The following LY75 variants were observed in gnomAD, a reference collection of about 807,000 sequenced individuals.
The protein encoded by LY75 is C-type lectin domain family 13 member B.
A neutral mutation model predicts 231.7 loss-of-function variants in LY75; 185 were observed. The ratio of observed to expected loss-of-function variants is 0.80; its 90% CI spans 0.71 to 0.90. The LOEUF (loss-of-function observed/expected upper bound fraction) is 0.90. LY75 is among the 40% of genes least tolerant of loss of function. LY75 has a pLI of 0.00. For synonymous variants in LY75, 668 were observed against 689.0 expected (o/e 0.97, Z 0.48); for missense variants, 1,947 against 2,050.2 (o/e 0.95, Z 0.97).
In LY75 at chr2:159,842,356, G is replaced by A. The variant is rs749565499; in HGVS notation, c.3169C>T (p.Arg1057Cys). 11 of 1,610,156 alleles carry A rather than the reference G, an allele frequency of 6.8e-6. No homozygotes were observed. The highest frequency in any genetic ancestry group is 2.2e-5 in the East Asian group (1 of 44,670). Reference protein sequence around the residue: ...IPENFFEEESRYHCALILNLQ... With the variant: ...IPENFFEEESCYHCALILNLQ... Reference sequence around the variant, plus strand: ...TTGAGTATTAGGGCACAGTGGTAGCGAGACTCTTCCTCAAAAAACTAAACA... The same window carrying A: ...TTGAGTATTAGGGCACAGTGGTAGCAAGACTCTTCCTCAAAAAACTAAACA... Residue 1057 changes from arginine to cysteine, a missense_variant, in exon 24 of 35, where the codon CGC becomes TGC. Physicochemically the swap from Arg to Cys is radical, Grantham distance 180 (BLOSUM62 -3). Coordinates refer to ENST00000263636, the MANE Select transcript of LY75 (RefSeq NM_002349.4).
At chr2:159,871,428 A>G (rs1307745096) in intron 13 of LY75, among the ~76,000 whole-genome samples, 4 of 152,152 alleles carry the variant, frequency 2.6e-5, no homozygotes, top group African/African-American at 9.7e-5. Flanking sequence ...CTGTTGCACA[A>G]TGAAAATGTT....
At chr2:159,870,674 CTT>C (rs34789684) in intron 13 of LY75, among the ~76,000 whole-genome samples, 233 of 141,584 alleles carry the variant, frequency 1.6e-3, no homozygotes, top group Admixed American at 2.5e-3. Context: ...CCAGCTAATT[CTT>C]TTTTTTTTTT....
rs113453497 is a variant in LY75, at chr2:159,886,220, C to CT, written c.913+199dup. Among the ~76,000 whole-genome samples, 334 of 152,280 alleles carry CT rather than the reference C, an allele frequency of 2.2e-3. 2 individuals carry two copies. Among genetic ancestry groups the CT allele is most frequent in the African/African-American group, 7.7e-3 (318 of 41,558 alleles). ...TTCTAAAGGTCTAGAGGTTCAAATGCTCAGTTGTCCATGGTGTGGTTCAGC... is the reference window on the plus strand; with the variant it reads ...TTCTAAAGGTCTAGAGGTTCAAATGCTTCAGTTGTCCATGGTGTGGTTCAGC... On this transcript the variant is annotated intron_variant, in intron 5 of 34. Transcript: ENST00000263636.
At chr2:159,811,664 C>T (rs1369593414) in intron 31 of LY75, among the ~76,000 whole-genome samples, 1 of 152,130 alleles carries the variant, frequency 6.6e-6, no homozygotes, top group Non-Finnish European at 1.5e-5. Flanking sequence ...TTTGTGGTCT[C>T]TGTGATTAGA....
Position 159,879,269 on chromosome 2 carries a change from G to A in LY75, c.1505C>T (p.Pro502Leu), listed in dbSNP as rs1480527954. 6.2e-7 allele frequency: 1 copy of A among 1,612,810 alleles called. No individual in the cohort carries two copies. Among genetic ancestry groups the A allele is most frequent in the East Asian group, 2.2e-5 (1 of 44,840 alleles). ...AGGGATTTTACCTACCTCATCTGGAGGACACATCTTATCAGAACTTGCGTC... is the reference window on the plus strand; with the variant it reads ...AGGGATTTTACCTACCTCATCTGGAAGACACATCTTATCAGAACTTGCGTC... ...LNDASSDKMC[P>L]PDEGWKRHGE... Residue 502 changes from proline (P) to leucine (L), a missense_variant, in exon 9 of 35, where the codon CCT (proline) becomes CTT (leucine). Transcript: ENST00000263636.
At chr2:159,816,014 A>G (rs1260532829) in intron 30 of LY75, among the ~76,000 whole-genome samples, 1 of 152,194 alleles carries the variant, frequency 6.6e-6, no homozygotes. Context: ...AGCAGTAGGG[A>G]GCTAGAAAAG....
At chr2:159,904,120 G>A (rs545441718) in intron 1 of LY75, among the ~76,000 whole-genome samples, 1 of 152,066 alleles carries the variant, frequency 6.6e-6, no homozygotes, top group East Asian at 1.9e-4. Flanking sequence ...TGAAATCCGG[G>A]AATCGTGGGG....
intron 2 of LY75, among the ~76,000 whole-genome samples, chr2:159,894,538 T>C (rs557010230): frequency 1.3e-5 from 2 of 152,338 alleles, no homozygotes; most frequent in East Asian, 1.9e-4. Flanking sequence ...TTGGAACCAC[T>C]GAGGGTGGGT....
Position 159,857,565 on chromosome 2 carries a change from A to C in LY75, c.2383+797T>G, listed in dbSNP as rs188425953. 2.8e-4 allele frequency among the ~76,000 whole-genome samples: 42 copies of C among 152,224 alleles called. No individual in the cohort carries two copies. The East Asian group carries it at 7.9e-3, about 29-fold the overall frequency. ...GAGACCAGCTTGGCCAACATGGTGA[A>C]ACCCTGACTCTACTGAAAATACAAA... On this transcript the variant is annotated intron_variant, in intron 16 of 34. Coordinates refer to ENST00000263636, the MANE Select transcript of LY75 (RefSeq NM_002349.4).
chr2:159,857,149 A>T lies in LY75; in HGVS notation c.2383+1213T>A, dbSNP rs189893901. Among the ~76,000 whole-genome samples the T allele has an allele frequency of 2.8e-4, 42 of 152,312 alleles. No homozygotes were observed. The East Asian group carries it at 7.5e-3, about 27-fold the overall frequency. ...AATAATCAAGAATAACTTAGGCATA[A>T]TTTATCCTTTAGAAAAACCCATCAA... On this transcript the variant is annotated intron_variant, in intron 16 of 34. Coordinates refer to ENST00000263636, the MANE Select transcript of LY75 (RefSeq NM_002349.4).
chr2:159,813,548 T>G (rs918217983), intron 31 of LY75, among the ~76,000 whole-genome samples: 2 of 152,152 alleles, frequency 1.3e-5, no homozygotes, highest in African/African-American at 2.4e-5. Flanking sequence ...CCTCTCATCT[T>G]CTGGTGGTTG....
At chr2:159,809,093 G>A (rs1682877090) in intron 32 of LY75, among the ~76,000 whole-genome samples, 1 of 152,102 alleles carries the variant, frequency 6.6e-6, no homozygotes, top group Non-Finnish European at 1.5e-5. Flanking sequence ...GTATAAAACC[G>A]AATGGTTCCC....
chr2:159,893,182 G>T (rs764944491), intron 3 of LY75, among the ~76,000 whole-genome samples: 1 of 152,110 alleles, frequency 6.6e-6, no homozygotes, highest in Admixed American at 6.6e-5. Context: ...TCCCCAACAG[G>T]CCAGTTTCAA....
At chr2:159,897,321 C>T (rs1017803981) in intron 2 of LY75, among the ~76,000 whole-genome samples, 3 of 152,148 alleles carry the variant, frequency 2.0e-5, no homozygotes, top group African/African-American at 7.2e-5. Flanking sequence ...CTCTGTGTTT[C>T]CTCTTAGTTG....
rs535900346 is a variant in LY75 at position 159,871,479 on chromosome 2, T to A, written c.2117+972A>T. ...TTTTAAAATTAAAAAATTTAAAAAA[T>A]TTTTAAATTTTTAAGGATTTTTATT... On this transcript the variant is annotated intron_variant, in intron 13 of 34. Coordinates refer to ENST00000263636, the MANE Select transcript of LY75 (RefSeq NM_002349.4). 1.6e-3 allele frequency among the ~76,000 whole-genome samples: 239 copies of A among 152,218 alleles called. 3 individuals carry two copies. In the South Asian group the frequency reaches 0.018, roughly 11 times the overall value.
chr2:159,851,196 A>T (rs1684390793), intron 21 of LY75, among the ~76,000 whole-genome samples: 3 of 152,182 alleles, frequency 2.0e-5, no homozygotes, highest in South Asian at 2.1e-4. Flanking sequence ...AATTAAAAAG[A>T]TTGTCCTAAT....
chr2:159,847,953 G>T (rs1574554143), intron 23 of LY75, among the ~76,000 whole-genome samples: 2 of 151,600 alleles, frequency 1.3e-5, no homozygotes, highest in African/African-American at 4.9e-5. Flanking sequence ...GCACTGGTTA[G>T]GTAAATGATG....
At chr2:159,845,966 C>T (rs78835513) in intron 23 of LY75, among the ~76,000 whole-genome samples, 7,113 of 148,232 alleles carry the variant, frequency 0.048, 512 homozygotes, top group African/African-American at 0.16. Context: ...TTTTCTCTCT[C>T]TTTTTTTTTT....
chr2:159,904,571 T>G lies in LY75; in HGVS notation c.94+18A>C, dbSNP rs6760195. On this transcript the variant is annotated intron_variant, in intron 1 of 34. Coordinates refer to ENST00000263636, the MANE Select transcript of LY75 (RefSeq NM_002349.4). ...CGAGGCACCCAGCGGACTGCGGGGC[T>G]GGCGTGCCCGCGGTTACCTGCGCGG... 389,833 of 1,504,004 alleles carry G rather than the reference T, an allele frequency of 0.26. 54,273 individuals are homozygous for G. The highest frequency in any genetic ancestry group is 0.52 in the East Asian group (18,185 of 35,004). 93.2% of individuals were successfully genotyped at this position (1,504,004 alleles called of 1,614,324 possible). A position where few individuals can be genotyped will look rare whatever the true frequency, so the allele number is the denominator to read the frequency against.
Sources: gnomAD v4.1 joint callset for allele counts (sites outside exome capture counted in the v4.1 genomes callset) on GRCh38, gnomAD v4.1.1 for gene constraint, MANE v1.5 for transcripts, NCBI Gene and HGNC (gene_info 2026-07-23, HGNC 2026-07-21) for gene names.